The following PLSCR2 variants were observed in gnomAD, a reference collection of about 807,000 sequenced individuals.
The protein encoded by PLSCR2 is phospholipid scramblase 2.
A neutral mutation model predicts 25.3 loss-of-function variants in PLSCR2; 18 were observed. The observed-to-expected ratio is 0.71, with a 90% CI of 0.49 to 1.06. The LOEUF (loss-of-function observed/expected upper bound fraction) is 1.06, where lower values mean the gene tolerates loss of function less well. PLSCR2 is among the 50% of genes least tolerant of loss of function. The probability of loss-of-function intolerance (pLI) is 0.00; values close to 1 mark genes in which losing one functional copy is unlikely to be tolerated. For missense variants in PLSCR2, 243 were observed against 269.5 expected (o/e 0.90, Z 0.69); for synonymous variants, 88 against 87.3 (o/e 1.01, Z -0.04).
intron 6 of PLSCR2, among the ~76,000 whole-genome samples, chr3:146,447,090 G>A (rs1433789531): frequency 2.0e-5 from 3 of 152,124 alleles, no homozygotes; most frequent in African/African-American, 4.8e-5. Context: ...CTTCATGGCA[G>A]CGGGCTCCCC....
At chr3:146,421,606 T>A (rs1308085723) in intron 2 of PLSCR2, among the ~76,000 whole-genome samples, 1 of 152,092 alleles carries the variant, frequency 6.6e-6, no homozygotes, top group Non-Finnish European at 1.5e-5. Flanking sequence ...CACAACCCAC[T>A]GTCTCTCAAA....
intron 6 of PLSCR2, among the ~76,000 whole-genome samples, chr3:146,445,127 A>G (rs1354471355): frequency 6.6e-6 from 1 of 152,004 alleles, no homozygotes; most frequent in Non-Finnish European, 1.5e-5. Context: ...TGTCTTTAAG[A>G]GTTGTTGCAG....
intron 8 of PLSCR2, among the ~76,000 whole-genome samples, chr3:146,434,396 A>C (rs1430230411): frequency 6.6e-6 from 1 of 152,154 alleles, no homozygotes; most frequent in African/African-American, 2.4e-5. Context: ...TTATTCATGA[A>C]AGCTTACTTG....
At chr3:146,476,830 G>C (rs938520625) in intron 1 of PLSCR2, among the ~76,000 whole-genome samples, 1 of 152,222 alleles carries the variant, frequency 6.6e-6, no homozygotes, top group African/African-American at 2.4e-5. Context: ...ACTCCAGCAA[G>C]GGGCTTAGGG....
intron 2 of PLSCR2, among the ~76,000 whole-genome samples, chr3:146,426,191 C>CTCCTTCCCTCCT (rs1294000332): frequency 2.9e-5 from 4 of 139,140 alleles, no homozygotes; most frequent in Admixed American, 7.4e-5. Context: ...TCCTCCCTCC[C>CTCCTTCCCTCCT]TCCTTCCCTC....
intron 6 of PLSCR2, among the ~76,000 whole-genome samples, chr3:146,444,073 A>T (rs1186076586): frequency 6.6e-6 from 1 of 151,986 alleles, no homozygotes; most frequent in African/African-American, 2.4e-5. Context: ...TAGTTTCCAA[A>T]GTTCCTCTTG....
At chr3:146,420,092 A>G (rs896683601) in intron 2 of PLSCR2, among the ~76,000 whole-genome samples, 1 of 152,058 alleles carries the variant, frequency 6.6e-6, no homozygotes. Context: ...CTTCTTACTG[A>G]GATTTTCCCA....
At chr3:146,487,352 A>G (rs2043383500) in intron 1 of PLSCR2, among the ~76,000 whole-genome samples, 1 of 152,144 alleles carries the variant, frequency 6.6e-6, no homozygotes, top group African/African-American at 2.4e-5. Context: ...AGGGTATTCA[A>G]ATAGGAAGAG....
At chr3:146,449,959 G>C (rs1011486479) in intron 5 of PLSCR2, among the ~76,000 whole-genome samples, 1 of 152,126 alleles carries the variant, frequency 6.6e-6, no homozygotes, top group African/African-American at 2.4e-5. Context: ...GGCAAGACCA[G>C]CTAACTAGTG....
chr3:146,414,558 GT>G (rs2038953607), intron 2 of PLSCR2, among the ~76,000 whole-genome samples: 1 of 151,564 alleles, frequency 6.6e-6, no homozygotes, highest in South Asian at 2.1e-4. Context: ...GCTCATTTTA[GT>G]TTTAGAATCG....
rs757341218 is a variant in PLSCR2, at chr3:146,449,388, A to G, written c.484-21T>C. ...GTAATCTAAATTGCAAAAAAAAAAA[A>G]AACTTAAAAATTTCTAGAAAACTTA... On this transcript the variant is annotated intron_variant, in intron 5 of 6. Coordinates refer to ENST00000610787, the Ensembl canonical transcript of PLSCR2. 9 of 1,539,800 alleles carry G rather than the reference A, an allele frequency of 5.8e-6. No individual in the cohort carries two copies. The Admixed American group carries it at 2.0e-4, about 34-fold the overall frequency.
chr3:146,465,809 A>T (rs982415514), intron 1 of PLSCR2, among the ~76,000 whole-genome samples: 1 of 152,368 alleles, frequency 6.6e-6, no homozygotes, highest in African/African-American at 2.4e-5. Context: ...CAAATTAAAT[A>T]GCTTTCACAT....
chr3:146,483,509 A>ATACACGTGT (rs1553791539), intron 1 of PLSCR2, among the ~76,000 whole-genome samples: 1 of 127,074 alleles, frequency 7.9e-6, no homozygotes. Flanking sequence ...ATATATATAT[A>ATACACGTGT]ATGTTACTAC....
At chr3:146,448,507 A>G (rs986698252) in intron 6 of PLSCR2, among the ~76,000 whole-genome samples, 2 of 152,178 alleles carry the variant, frequency 1.3e-5, no homozygotes, top group Non-Finnish European at 2.9e-5. Flanking sequence ...ATTTGGATGG[A>G]CATGAGGAGT....
intron 2 of PLSCR2, among the ~76,000 whole-genome samples, chr3:146,400,214 C>T (rs2038417423): frequency 6.6e-6 from 1 of 151,508 alleles, no homozygotes; most frequent in Admixed American, 6.6e-5. Context: ...ATTTTCATAT[C>T]TATAATTGTA....
intron 6 of PLSCR2, among the ~76,000 whole-genome samples, chr3:146,445,761 CT>C (rs1270759167): frequency 2.0e-5 from 3 of 152,274 alleles, no homozygotes; most frequent in Non-Finnish European, 4.4e-5. Flanking sequence ...TCTACCTCCT[CT>C]TTAGGACAAA....
At chr3:146,431,560 G>A (rs1292026323), downstream of PLSCR2, among the ~76,000 whole-genome samples, 1 of 152,074 alleles carries the variant, frequency 6.6e-6, no homozygotes, top group Non-Finnish European at 1.5e-5. Context: ...CAAAACATCA[G>A]GGAATATTCT....
upstream of PLSCR2, among the ~76,000 whole-genome samples, chr3:146,461,438 T>A (rs2041565647): frequency 6.6e-6 from 1 of 152,128 alleles, no homozygotes; most frequent in African/African-American, 2.4e-5. Context: ...GATACAGCTA[T>A]CAAAAAGTCA....
intron 2 of PLSCR2, among the ~76,000 whole-genome samples, chr3:146,423,879 T>C (rs776747631): frequency 2.6e-5 from 4 of 152,100 alleles, no homozygotes; most frequent in African/African-American, 4.8e-5. Context: ...CTTCCAGAAA[T>C]AATGAAACTC....
Sources: allele counts gnomAD v4.1 joint callset (sites outside exome capture counted in the v4.1 genomes callset), GRCh38; gene constraint gnomAD v4.1.1; transcripts MANE v1.5; gene names NCBI Gene and HGNC (gene_info 2026-07-23, HGNC 2026-07-21).